CLSTN2: variants seen among roughly 807,000 people sequenced by gnomAD.
The protein encoded by CLSTN2 is calsyntenin 2.
A neutral mutation model predicts 101.2 loss-of-function variants in CLSTN2; 48 were observed. That is an observed-to-expected ratio of 0.47 (90% CI 0.38 to 0.60). CLSTN2 has a LOEUF of 0.60. Among genes scored for constraint, CLSTN2 ranks in the 20% least tolerant of loss-of-function variants. CLSTN2 has a pLI of 0.00. For missense variants in CLSTN2, 1,160 were observed against 1,238.2 expected (o/e 0.94, Z 0.95); for synonymous variants, 481 against 463.6 (o/e 1.04, Z -0.48).
intron 1 of CLSTN2, among the ~76,000 whole-genome samples, chr3:139,939,912 G>A (rs1935096386): frequency 2.0e-5 from 3 of 152,162 alleles, no homozygotes; most frequent in South Asian, 4.1e-4. Flanking sequence ...TTCTTGGACC[G>A]GAATGTGCCC....
chr3:140,414,724 T>C (rs1327897783), intron 4 of CLSTN2, among the ~76,000 whole-genome samples: 2 of 151,852 alleles, frequency 1.3e-5, no homozygotes, highest in East Asian at 3.9e-4. Flanking sequence ...TAAAAAAATT[T>C]AAAAATCTAA....
At chr3:140,165,112 C>T (rs933980010) in intron 1 of CLSTN2, among the ~76,000 whole-genome samples, 6 of 152,120 alleles carry the variant, frequency 3.9e-5, no homozygotes, top group Non-Finnish European at 5.9e-5. Context: ...GTAATCTCAT[C>T]TTCTGTGGAT....
In CLSTN2 at chr3:139,953,931, T is replaced by TTGTGTGTGTGTGTGTGTGTGTGTG. The variant is rs145225696; in HGVS notation, c.109+18471_109+18472insGTGTGTGTGTGTGTGTGTGTGTGT. ...AGAGAAGGGCTCTGTGTGTGTGTGT[T>TTGTGTGTGTGTGTGTGTGTGTGTG]TGTGTGTGTGTGTGTGTGTGTGTTT... is the stretch of plus-strand genomic sequence containing the variant. On this transcript the variant is annotated intron_variant, in intron 1 of 16. Coordinates refer to ENST00000458420, the MANE Select transcript of CLSTN2 (RefSeq NM_022131.3). 7.5e-5 allele frequency among the ~76,000 whole-genome samples: 11 copies of TTGTGTGTGTGTGTGTGTGTGTGTG among 147,390 alleles called. 1 individual carries two copies. The highest frequency in any genetic ancestry group is 5.4e-4 in the Admixed American group (8 of 14,874).
intron 2 of CLSTN2, among the ~76,000 whole-genome samples, chr3:140,200,317 G>T (rs757656692): frequency 1.3e-5 from 2 of 152,140 alleles, no homozygotes; most frequent in Non-Finnish European, 2.9e-5. Flanking sequence ...AATTCTTGGA[G>T]AATTTTACAT....
Position 140,403,834 on chromosome 3 carries a change from C to T in CLSTN2, c.428+10C>T. 6.2e-7 allele frequency: 1 copy of T among 1,601,232 alleles called. No individual in the cohort carries two copies. Among genetic ancestry groups the T allele is most frequent in the Non-Finnish European group, 8.5e-7 (1 of 1,172,202 alleles). ...GGAAAAAGTCACACAAGTGAGTGGCCTGACAGAGCCCTCTGGACGCCCCTC... is the reference window on the plus strand; with the variant it reads ...GGAAAAAGTCACACAAGTGAGTGGCTTGACAGAGCCCTCTGGACGCCCCTC... On this transcript the variant is annotated intron_variant, in intron 3 of 16. Coordinates refer to ENST00000458420, the MANE Select transcript of CLSTN2 (RefSeq NM_022131.3).
chr3:140,043,822 A>C (rs1388163995), intron 1 of CLSTN2, among the ~76,000 whole-genome samples: 2 of 152,138 alleles, frequency 1.3e-5, no homozygotes, highest in African/African-American at 2.4e-5. Flanking sequence ...TTTGTCAAAG[A>C]TCAGATGTTT....
chr3:140,204,335 C>T (rs1259622411), intron 2 of CLSTN2, among the ~76,000 whole-genome samples: 1 of 152,192 alleles, frequency 6.6e-6, no homozygotes, highest in African/African-American at 2.4e-5. Flanking sequence ...TCATCTGTCC[C>T]TTTCTCTCCA....
intron 2 of CLSTN2, among the ~76,000 whole-genome samples, chr3:140,235,425 G>A (rs1381865098): frequency 6.6e-6 from 1 of 152,190 alleles, no homozygotes; most frequent in Non-Finnish European, 1.5e-5. Flanking sequence ...GGGTATTGAA[G>A]CAGAAGTGGT....
chr3:139,997,062 A>AAAAAG (rs1336091793), intron 1 of CLSTN2, among the ~76,000 whole-genome samples: 2 of 148,660 alleles, frequency 1.3e-5, no homozygotes, highest in Non-Finnish European at 1.5e-5. Context: ...AAAAAAAAAA[A>AAAAAG]AAAAGAAAAG....
chr3:140,243,897 C>A (rs944458787), intron 2 of CLSTN2, among the ~76,000 whole-genome samples: 8 of 152,234 alleles, frequency 5.3e-5, no homozygotes, highest in Admixed American at 3.3e-4. Flanking sequence ...AGATGCTCCA[C>A]AGTCAGTGCA....
At chr3:140,097,336 G>A (rs1391378474) in intron 1 of CLSTN2, among the ~76,000 whole-genome samples, 1 of 152,126 alleles carries the variant, frequency 6.6e-6, no homozygotes, top group Admixed American at 6.6e-5. Context: ...CTTTTAAACT[G>A]AGAGATTTAG....
rs759270211 is a variant in CLSTN2, at chr3:140,448,622, C to T, written c.891C>T (p.Ile297=). ...TCDGAVSSLQ[I]VTELQTNYIG... is the part of the protein sequence containing the mutation. ...ATGGAGCCGTGTCTTCCCTCCAGATCGTCACAGAGCTGCAGACTAATTACA... is the reference window on the plus strand; with the variant it reads ...ATGGAGCCGTGTCTTCCCTCCAGATTGTCACAGAGCTGCAGACTAATTACA... Residue 297 remains isoleucine (I), a synonymous_variant, in exon 6 of 17, where the codon ATC becomes ATT. Transcript: ENST00000458420. 9 of 1,613,992 alleles carry T rather than the reference C, an allele frequency of 5.6e-6. No homozygotes were observed. Among genetic ancestry groups the T allele is most frequent in the Admixed American group, 3.3e-5 (2 of 60,006 alleles).
rs201445122 is a variant in CLSTN2 at position 140,320,611 on chromosome 3, C to CG, written c.233-83009dup. Among the ~76,000 whole-genome samples the CG allele has an allele frequency of 3.0e-3, 369 of 121,182 alleles. 1 individual carries two copies. The highest frequency in any genetic ancestry group is 3.5e-3 in the African/African-American group (107 of 30,590). 79.5% of individuals were successfully genotyped at this position (121,182 alleles called of 152,430 possible). On this transcript the variant is annotated intron_variant, in intron 2 of 16. Coordinates refer to ENST00000458420, the MANE Select transcript of CLSTN2 (RefSeq NM_022131.3). Reference sequence around the variant, plus strand: ...TTCCATTGTATTTGTGTTTTTTTTGCGGGGGGGGGCAGGGGTCAATACACA... The same window carrying CG: ...TTCCATTGTATTTGTGTTTTTTTTGCGGGGGGGGGGCAGGGGTCAATACACA...
At chr3:140,355,065 G>A (rs978661327) in intron 2 of CLSTN2, among the ~76,000 whole-genome samples, 7 of 152,172 alleles carry the variant, frequency 4.6e-5, no homozygotes, top group Admixed American at 1.3e-4. Flanking sequence ...AGGGGAAGGA[G>A]CTGCACCCAG....
intron 1 of CLSTN2, among the ~76,000 whole-genome samples, chr3:140,089,971 C>CT (rs58418539): frequency 0.097 from 4,843 of 49,710 alleles, 1,131 homozygotes; most frequent in Non-Finnish European, 0.13. Flanking sequence ...CTAGGATTGG[C>CT]TTTTTTTTTT....
At chr3:140,185,121 T>G (rs1245082083) in intron 2 of CLSTN2, among the ~76,000 whole-genome samples, 1 of 152,276 alleles carries the variant, frequency 6.6e-6, no homozygotes, top group African/African-American at 2.4e-5. Flanking sequence ...CATCATTTGG[T>G]TTTATTTGCT....
chr3:140,543,326 T>C (rs1935525469), intron 9 of CLSTN2, among the ~76,000 whole-genome samples: 1 of 152,192 alleles, frequency 6.6e-6, no homozygotes, highest in Admixed American at 6.5e-5. Flanking sequence ...GAGTACTTTA[T>C]GCATGGGGTC....
intron 5 of CLSTN2, among the ~76,000 whole-genome samples, chr3:140,439,308 C>G (rs903453993): frequency 6.6e-6 from 1 of 152,214 alleles, no homozygotes; most frequent in South Asian, 2.1e-4. Flanking sequence ...GGGAGGAGGG[C>G]CTGACATAAG....
chr3:140,201,938 T>C (rs550902547), intron 2 of CLSTN2, among the ~76,000 whole-genome samples: 1 of 152,242 alleles, frequency 6.6e-6, no homozygotes, highest in South Asian at 2.1e-4. Context: ...TTTGCTTGAC[T>C]GTGAAGATGA....
Sources: allele counts gnomAD v4.1 joint callset (sites outside exome capture counted in the v4.1 genomes callset), GRCh38; gene constraint gnomAD v4.1.1; transcripts MANE v1.5; gene names NCBI Gene and HGNC (gene_info 2026-07-23, HGNC 2026-07-21).